The following RALA variants were observed in gnomAD, a reference collection of about 807,000 sequenced individuals.
RALA encodes the protein RAS like proto-oncogene A, also known as ras-related protein Ral-A.
RALA carries 5 observed loss-of-function variants against 24.0 expected under a neutral mutation model. That is an observed-to-expected ratio of 0.21 (90% confidence interval 0.11 to 0.44). RALA has a LOEUF of 0.44. RALA is among the 20% of genes least tolerant of loss of function. The pLI is 0.99. For synonymous variants in RALA, 77 were observed against 83.8 expected, an observed-to-expected ratio of 0.92 and a Z score of 0.44; for missense variants, 95 against 241.2, an observed-to-expected ratio of 0.39 and a Z score of 4.01.
chr7:39,683,768 TTG>T (rs1354208807), intron 1 of RALA, among the ~76,000 whole-genome samples: 1 of 152,054 alleles, frequency 6.6e-6, no homozygotes, highest in African/African-American at 2.4e-5. Flanking sequence ...GAGTCACAGA[TTG>T]TGTTTTAAAT....
At chr7:39,652,334 A>G (rs558184228) in intron 1 of RALA, among the ~76,000 whole-genome samples, 1 of 152,338 alleles carries the variant, frequency 6.6e-6, no homozygotes, top group South Asian at 2.1e-4. Context: ...TTCAAACTGT[A>G]ATAGCCATTC....
rs188767700 is a variant in RALA, at chr7:39,624,144, C to T, written c.-38+319C>T. Reference sequence around the variant, plus strand: ...CGTCCACGGCGCCCAAGTTCCCGCCCGGGCGGTGCCCGCGACCTGGGGCAA... The same window carrying T: ...CGTCCACGGCGCCCAAGTTCCCGCCTGGGCGGTGCCCGCGACCTGGGGCAA... On this transcript the variant is annotated intron_variant, in intron 1 of 4. Coordinates refer to ENST00000005257, the MANE Select transcript of RALA (RefSeq NM_005402.4). 486 of 152,526 alleles carry T rather than the reference C, an allele frequency of 3.2e-3. 3 individuals are homozygous for T. The highest frequency in any genetic ancestry group is 7.0e-3 in the Admixed American group (107 of 15,310). The allele number at this position is 152,526 out of a possible 1,614,324, so 9.4% of individuals were successfully genotyped here.
intron 1 of RALA, among the ~76,000 whole-genome samples, chr7:39,672,979 A>G (rs958897253): frequency 1.3e-5 from 2 of 152,188 alleles, no homozygotes; most frequent in African/African-American, 4.8e-5. Context: ...CCTTCCCTCA[A>G]AAAGTTCGAG....
chr7:39,659,429 A>G (rs1448960216), intron 1 of RALA, among the ~76,000 whole-genome samples: 1 of 151,910 alleles, frequency 6.6e-6, no homozygotes, highest in Non-Finnish European at 1.5e-5. Context: ...ACTTCACGTT[A>G]TGTTTTGTAT....
At chr7:39,673,284 C>A (rs1258603986) in intron 1 of RALA, among the ~76,000 whole-genome samples, 1 of 152,082 alleles carries the variant, frequency 6.6e-6, no homozygotes, top group Non-Finnish European at 1.5e-5. Context: ...TGTGTTTTGA[C>A]TTACTAGGTT....
chr7:39,702,428 G>A (rs745737538), intron 4 of RALA, among the ~76,000 whole-genome samples: 7 of 152,104 alleles, frequency 4.6e-5, no homozygotes, highest in Non-Finnish European at 7.4e-5. Context: ...TCTGTGGTGC[G>A]CTTTTTAAAT....
intron 1 of RALA, among the ~76,000 whole-genome samples, chr7:39,656,205 G>T (rs533512604): frequency 1.8e-4 from 27 of 152,234 alleles, no homozygotes; most frequent in African/African-American, 6.5e-4. Context: ...TCAAAATTCA[G>T]AGTTACTTGA....
chr7:39,689,927 T>C (rs1792786512), intron 2 of RALA, among the ~76,000 whole-genome samples: 1 of 152,204 alleles, frequency 6.6e-6, no homozygotes. Flanking sequence ...TTCTGTTGAG[T>C]AGTGTAAATC....
intron 1 of RALA, among the ~76,000 whole-genome samples, chr7:39,673,019 C>G (rs1490213324): frequency 2.6e-5 from 4 of 152,138 alleles, no homozygotes; most frequent in African/African-American, 9.7e-5. Context: ...AAAACACTTT[C>G]TCTACTAAAA....
intron 4 of RALA, among the ~76,000 whole-genome samples, chr7:39,702,139 A>G (rs1330645862): frequency 6.6e-6 from 1 of 152,186 alleles, no homozygotes; most frequent in Non-Finnish European, 1.5e-5. Context: ...TTTTCATTGT[A>G]TAAGTAATAC....
At chr7:39,644,667 A>G (rs1307576823) in intron 1 of RALA, among the ~76,000 whole-genome samples, 1 of 152,234 alleles carries the variant, frequency 6.6e-6, no homozygotes, top group Non-Finnish European at 1.5e-5. Context: ...TGCCATAAAC[A>G]GAGTACTGCC....
chr7:39,684,046 T>G (rs535895478), intron 1 of RALA, among the ~76,000 whole-genome samples: 1 of 152,346 alleles, frequency 6.6e-6, no homozygotes, highest in South Asian at 2.1e-4. Context: ...AACAGCATGC[T>G]TCATAAACTG....
chr7:39,699,193 T>C (rs911771470), intron 4 of RALA, among the ~76,000 whole-genome samples: 1 of 129,926 alleles, frequency 7.7e-6, no homozygotes, highest in Non-Finnish European at 1.6e-5. Context: ...GACTGCGGAC[T>C]GCAGTGGCGC....
chr7:39,670,008 T>C (rs1792353425), intron 1 of RALA, among the ~76,000 whole-genome samples: 3 of 152,208 alleles, frequency 2.0e-5, no homozygotes, highest in Admixed American at 1.3e-4. Flanking sequence ...AGTTCATAAA[T>C]ATATCAATAA....
chr7:39,659,914 ACT>A (rs1792157818), intron 1 of RALA, among the ~76,000 whole-genome samples: 2 of 152,110 alleles, frequency 1.3e-5, no homozygotes, highest in Admixed American at 6.6e-5. Context: ...TATAAAAATG[ACT>A]CTCAAAAAAT....
chr7:39,636,923 GA>G (rs1200467697), intron 1 of RALA, among the ~76,000 whole-genome samples: 1 of 152,132 alleles, frequency 6.6e-6, no homozygotes, highest in African/African-American at 2.4e-5. Context: ...CAGCATGGGG[GA>G]AACCACCCCC....
At chr7:39,666,386 G>A (rs1237854939) in intron 1 of RALA, among the ~76,000 whole-genome samples, 2 of 152,178 alleles carry the variant, frequency 1.3e-5, no homozygotes, top group Non-Finnish European at 2.9e-5. Context: ...AACTCAAATG[G>A]TAGGATTAGG....
At chr7:39,624,544 G>A (rs1384567579) in intron 1 of RALA, 1 of 152,240 alleles carries the variant, frequency 6.6e-6, no homozygotes. Context: ...GCTTTAGCCT[G>A]GATATATGTG....
chr7:39,662,571 G>A (rs1343730573), intron 1 of RALA, among the ~76,000 whole-genome samples: 2 of 152,082 alleles, frequency 1.3e-5, no homozygotes, highest in African/African-American at 4.8e-5. Flanking sequence ...CAGTCTCTTT[G>A]CTAAAACATA....
Sources: gnomAD v4.1 joint callset for allele counts (sites outside exome capture counted in the v4.1 genomes callset) on GRCh38, gnomAD v4.1.1 for gene constraint, MANE v1.5 for transcripts, NCBI Gene and HGNC (gene_info 2026-07-23, HGNC 2026-07-21) for gene names.